Variants in PROM1 observed in about 807,000 individuals in gnomAD.
PROM1 encodes the protein prominin-1.
PROM1 carries 105 observed loss-of-function variants against 116.9 expected under a neutral mutation model. The ratio of observed to expected loss-of-function variants is 0.90; its 90% confidence interval spans 0.77 to 1.06. The LOEUF (loss-of-function observed/expected upper bound fraction) is 1.06, where lower values mean the gene tolerates loss of function less well. Among genes scored for constraint, PROM1 ranks in the 50% least tolerant of loss-of-function variants. The pLI, the probability that PROM1 is intolerant of heterozygous loss-of-function variation, is 0.00. For synonymous variants in PROM1, 393 were observed against 387.0 expected (o/e 1.02, Z -0.18); for missense variants, 1,122 against 1,045.2 (o/e 1.07, Z -1.01).
At chr4:15,969,825 C>A (rs1186403553) in intron 27 of PROM1, among the ~76,000 whole-genome samples, 1 of 152,102 alleles carries the variant, frequency 6.6e-6, no homozygotes, top group South Asian at 2.1e-4. Flanking sequence ...GATCTGCCCA[C>A]CTCAGCTTCC....
rs114863236 is a variant in PROM1 at position 15,985,711 on chromosome 4, A to G, written c.2280+49T>C. 4,896 of 1,252,324 alleles carry G rather than the reference A, an allele frequency of 3.9e-3. 138 individuals are homozygous for G. In the African/African-American group the frequency reaches 0.062, roughly 16 times the overall value. 77.6% of individuals were successfully genotyped at this position (1,252,324 alleles called of 1,614,324 possible). On this transcript the variant is annotated intron_variant, in intron 22 of 27. Transcript: ENST00000447510. ...CCAGATTTTACCCTAGAAAATGGCT[A>G]TCCTGAAACTTGACCCCCCTTAACA...
rs577546732 is a variant in PROM1, at chr4:16,026,050, T to C, written c.510-738A>G. On this transcript the variant is annotated intron_variant, in intron 5 of 27. Transcript: ENST00000447510. ...TCTGTTCGTGGGTGGATTCACTTCA[T>C]GGACACTTACGCATATGTACTTGTG... Among the ~76,000 whole-genome samples, 46 of 152,340 alleles carry C rather than the reference T, an allele frequency of 3.0e-4. 1 individual carries two copies. In the South Asian group the frequency reaches 9.1e-3, roughly 30 times the overall value.
rs1416909991 is a variant in PROM1 at position 16,004,648 on chromosome 4, A to G, written c.1454+1890T>C. ...CAATTAAACATTAAAAGTAATGGCA[A>G]AAACTGCAATTACTTTTACAGCAAC... is the stretch of plus-strand genomic sequence containing the variant. On this transcript the variant is annotated intron_variant, in intron 13 of 27. Transcript: ENST00000447510. Among the ~76,000 whole-genome samples the G allele has an allele frequency of 2.0e-5, 3 of 152,230 alleles. No individual in the cohort carries two copies. In the East Asian group the frequency reaches 5.8e-4, roughly 29 times the overall value.
chr4:16,011,581 C>T (rs1430461039), intron 11 of PROM1, among the ~76,000 whole-genome samples: 1 of 152,182 alleles, frequency 6.6e-6, no homozygotes, highest in Non-Finnish European at 1.5e-5. Flanking sequence ...GTCAGACTTA[C>T]AAGGAAGGGC....
intron 2 of PROM1, 107 bp downstream of exon 2, chr4:16,075,580 T>C: frequency 1.8e-6 from 2 of 1,113,174 alleles, no homozygotes; most frequent in Non-Finnish European, 2.5e-6. Context: ...TGCAAAGCAA[T>C]CGCTAAAATA....
At chr4:15,999,209 C>A (rs1001721272) in intron 14 of PROM1, among the ~76,000 whole-genome samples, 2 of 151,912 alleles carry the variant, frequency 1.3e-5, no homozygotes, top group African/African-American at 2.4e-5. Flanking sequence ...CTGTGGCTCA[C>A]GCCTGTAATC....
rs370343088 is a variant in PROM1 at position 16,000,389 on chromosome 4, A to G, written c.1578+107T>C. ...ATTTCAAGAAATTTACTGAATTTAA[A>G]CCAAACTGCTTATAAGTTTGCACTG... On this transcript the variant is annotated intron_variant, in intron 14 of 27. Coordinates refer to ENST00000447510, the MANE Select transcript of PROM1 (RefSeq NM_006017.3). 223 of 974,450 alleles carry G rather than the reference A, an allele frequency of 2.3e-4. 1 individual carries two copies. In the African/African-American group the frequency reaches 3.4e-3, roughly 15 times the overall value. 60.4% of individuals were successfully genotyped at this position (974,450 alleles called of 1,614,324 possible).
At chr4:16,028,935 C>G (rs1732030487) in intron 5 of PROM1, among the ~76,000 whole-genome samples, 1 of 152,148 alleles carries the variant, frequency 6.6e-6, no homozygotes. Flanking sequence ...CACTTACAAG[C>G]TTTTTACAGA....
chr4:16,069,048 A>C (rs1259880496), intron 2 of PROM1, among the ~76,000 whole-genome samples: 1 of 152,246 alleles, frequency 6.6e-6, no homozygotes, highest in Non-Finnish European at 1.5e-5. Context: ...CAGCCTAGCC[A>C]ACATGGCAAA....
At chr4:16,014,044 G>A (rs1375849256) in intron 10 of PROM1, among the ~76,000 whole-genome samples, 1 of 152,172 alleles carries the variant, frequency 6.6e-6, no homozygotes, top group Non-Finnish European at 1.5e-5. Flanking sequence ...ATAGGGCTTT[G>A]GGGCTAAACC....
intron 1 of PROM1, among the ~76,000 whole-genome samples, chr4:16,077,169 C>T (rs569587925): frequency 4.5e-4 from 69 of 152,196 alleles, no homozygotes; most frequent in East Asian, 1.9e-3. Context: ...GTCTCCTGCC[C>T]GTCCCTGGGC....
chr4:15,973,127 A>G (rs1715048828), intron 26 of PROM1, among the ~76,000 whole-genome samples: 1 of 152,210 alleles, frequency 6.6e-6, no homozygotes, highest in South Asian at 2.1e-4. Context: ...TTCCTCCTCT[A>G]GGCTGCAGAG....
Position 15,985,996 on chromosome 4 carries a change from C to G in PROM1, c.2172G>C (p.Gln724His). 2 of 1,584,330 alleles carry G rather than the reference C, an allele frequency of 1.3e-6. No individual in the cohort carries two copies. Among genetic ancestry groups the G allele is most frequent in the Non-Finnish European group, 8.6e-7 (1 of 1,160,608 alleles). ...TRILASLDFA[Q>H]NFITNNTSSV... Reference sequence around the variant, plus strand: ...AGGAAGTATTGTTTGTGATGAAGTTCTGAGCAAAATCCAGAGAAGCTAGAA... The same window carrying G: ...AGGAAGTATTGTTTGTGATGAAGTTGTGAGCAAAATCCAGAGAAGCTAGAA... Residue 724 changes from glutamine (Q) to histidine (H), a missense_variant, in exon 21 of 28, where the codon CAG becomes CAC. Coordinates refer to ENST00000447510, the MANE Select transcript of PROM1 (RefSeq NM_006017.3).
At chr4:15,995,938 T>C (rs1333924191) in intron 15 of PROM1, among the ~76,000 whole-genome samples, 2 of 152,238 alleles carry the variant, frequency 1.3e-5, no homozygotes, top group African/African-American at 2.4e-5. Flanking sequence ...CAATTTTGTA[T>C]AATATCTCAG....
Position 15,980,154 on chromosome 4 carries a change from G to A in PROM1, c.2490-250C>T, listed in dbSNP as rs752935316. On this transcript the variant is annotated intron_variant, in intron 24 of 27. Coordinates refer to ENST00000447510, the MANE Select transcript of PROM1 (RefSeq NM_006017.3). ...TCATAAAGTGAAATGCCAGGTCCCCGAGAGAGAGGAACTGCAAACAAGAAA... is the reference window on the plus strand; with the variant it reads ...TCATAAAGTGAAATGCCAGGTCCCCAAGAGAGAGGAACTGCAAACAAGAAA... 3.2e-5 allele frequency: 19 copies of A among 585,526 alleles called. No homozygotes were observed. Among genetic ancestry groups the A allele is most frequent in the African/African-American group, 5.7e-5 (3 of 52,222 alleles). 36.3% of individuals were successfully genotyped at this position (585,526 alleles called of 1,614,324 possible). A position where few individuals can be genotyped will look rare whatever the true frequency, so the allele number is the denominator to read the frequency against.
At chr4:16,073,638 G>T (rs530818724) in intron 2 of PROM1, among the ~76,000 whole-genome samples, 3 of 129,870 alleles carry the variant, frequency 2.3e-5, no homozygotes, top group Non-Finnish European at 5.4e-5. Context: ...GTCTGCCCTG[G>T]TCTACTGTTG....
At chr4:16,074,742 T>C (rs2149580389) in intron 2 of PROM1, among the ~76,000 whole-genome samples, 1 of 152,282 alleles carries the variant, frequency 6.6e-6, no homozygotes, top group East Asian at 1.9e-4. Context: ...CTCCCCATAA[T>C]ATAAACATGT....
intron 1 of PROM1, chr4:16,082,284 C>CA (rs1488160908): frequency 1.3e-5 from 2 of 151,572 alleles, no homozygotes; most frequent in Non-Finnish European, 2.9e-5. Context: ...ATCTTCCATC[C>CA]AAAAAACCGA....
intron 5 of PROM1, 54 bp downstream of exon 5, chr4:16,033,250 G>C: frequency 6.9e-7 from 1 of 1,439,402 alleles, no homozygotes; most frequent in East Asian, 2.3e-5. Flanking sequence ...AAAAATGTGA[G>C]ACACTCTTCA....
Sources: gnomAD v4.1 joint callset for allele counts (sites outside exome capture counted in the v4.1 genomes callset) on GRCh38, gnomAD v4.1.1 for gene constraint, MANE v1.5 for transcripts, NCBI Gene and HGNC (gene_info 2026-07-23, HGNC 2026-07-21) for gene names.